Variants in NHLRC3 observed in about 807,000 individuals in gnomAD.
The protein encoded by NHLRC3 is NHL repeat-containing protein 3.
In NHLRC3, 23 loss-of-function variants were observed where a neutral mutation model predicts 32.0. The ratio of observed to expected loss-of-function variants is 0.72; its 90% CI spans 0.52 to 1.02. The LOEUF is 1.02. Ranked by LOEUF, NHLRC3 falls within the 50% of genes least tolerant of loss-of-function variation. The pLI is 0.00. For missense variants in NHLRC3, 407 were observed against 406.8 expected (o/e 1.00, Z -0.01); for synonymous variants, 159 against 147.9 (o/e 1.08, Z -0.55).
intron 1 of NHLRC3, 58 bp from the exon 2 acceptor site, chr13:39,039,078 C>CTGT: frequency 9.6e-7 from 1 of 1,038,070 alleles, no homozygotes; most frequent in Non-Finnish European, 1.4e-6. Context: ...CCCCCCCGCC[C>CTGT]TTTTTTTGTT....
intron 4 of NHLRC3, 42 bp downstream of exon 4, chr13:39,042,347 G>C: frequency 8.3e-7 from 1 of 1,208,522 alleles, no homozygotes. Flanking sequence ...ATTATAAATT[G>C]ATTTTAATTT....
intron 1 of NHLRC3, 75 bp from the exon 2 acceptor site, chr13:39,039,061 T>TTG: frequency 2.6e-6 from 2 of 760,180 alleles, no homozygotes; most frequent in African/African-American, 1.7e-5. Context: ...TAAGCCCTGT[T>TTG]ACCCGGCCCC....
chr13:39,038,838 A>C (rs1871321867), intron 1 of NHLRC3, 115 bp downstream of exon 1: 1 of 901,098 alleles, frequency 1.1e-6, no homozygotes, highest in African/African-American at 1.6e-5. Context: ...AGCTTGTCTC[A>C]AAGCCTGCAC....
At chr13:39,039,841 TG>T in intron 3 of NHLRC3, 130 bp downstream of exon 3, 1 of 678,910 alleles carries the variant, frequency 1.5e-6, no homozygotes, top group Non-Finnish European at 2.4e-6. Flanking sequence ...TGAAATCACA[TG>T]TTTTTAACAA....
rs1228827986 is a variant in NHLRC3 at position 39,049,794 on chromosome 13, A to G, written c.*1868A>G. 7 of 152,256 alleles carry G rather than the reference A, an allele frequency of 4.6e-5. No individual in the cohort carries two copies. The highest frequency in any genetic ancestry group is 1.0e-4 in the Non-Finnish European group (7 of 68,046). The allele number at this position is 152,256 out of a possible 1,614,324, so 9.4% of individuals were successfully genotyped here. On this transcript the variant is annotated 3_prime_UTR_variant, in exon 7 of 7. Coordinates refer to ENST00000379600, the MANE Select transcript of NHLRC3 (RefSeq NM_001012754.4). Reference sequence around the variant, plus strand: ...TTATTTTACTTTGTTTTATTAAGCCAGGACAAGAAGTGCAAATGCCTCTTT... The same window carrying G: ...TTATTTTACTTTGTTTTATTAAGCCGGGACAAGAAGTGCAAATGCCTCTTT...
intron 5 of NHLRC3, among the ~76,000 whole-genome samples, chr13:39,044,618 C>T (rs1227584715): frequency 6.6e-6 from 1 of 152,104 alleles, no homozygotes; most frequent in Non-Finnish European, 1.5e-5. Flanking sequence ...GAGAGGTTAA[C>T]CTTGGAAGTC....
intron 1 of NHLRC3, 77 bp downstream of exon 1, chr13:39,038,800 G>T (rs577670497): frequency 2.5e-6 from 3 of 1,180,914 alleles, no homozygotes; most frequent in Non-Finnish European, 3.8e-6. Context: ...GTCGTGGCAT[G>T]GAGGTGGCAG....
In NHLRC3 at chr13:39,038,551, T is replaced by C. The variant is rs1214937681; in HGVS notation, c.-89T>C. 1.8e-6 allele frequency: 2 copies of C among 1,119,274 alleles called. No homozygotes were observed. The highest frequency in any genetic ancestry group is 2.7e-6 in the Non-Finnish European group (2 of 729,924). 69.3% of individuals were successfully genotyped at this position (1,119,274 alleles called of 1,614,324 possible). A position where few individuals can be genotyped will look rare whatever the true frequency, so the allele number is the denominator to read the frequency against. ...GTCTTCGGGCCCCGGGCAGACCCTC[T>C]GTGCCGCTGCAAACCGTTGCAGCCT... On this transcript the variant is annotated 5_prime_UTR_variant, in exon 1 of 7. Transcript: ENST00000379600.
chr13:39,039,211 A>G lies in NHLRC3; in HGVS notation c.160A>G (p.Lys54Glu). The G allele has an allele frequency of 6.2e-7, 1 of 1,613,930 alleles. No individual in the cohort carries two copies. Among genetic ancestry groups the G allele is most frequent in the Non-Finnish European group, 8.5e-7 (1 of 1,179,800 alleles). Reference sequence around the variant, plus strand: ...TTACCGGCTGGATGTGGGTTGGCCTAAGCACCCAGAATATTTTACCGGAAC... The same window carrying G: ...TTACCGGCTGGATGTGGGTTGGCCTGAGCACCCAGAATATTTTACCGGAAC... ...ILYRLDVGWP[K>E]HPEYFTGTTF... is the part of the protein sequence containing the mutation. The change falls in exon 2 of 7, where the codon AAG becomes GAG. Residue 54 changes from lysine to glutamate, a missense_variant. By Grantham distance (56) the Lys-to-Glu change is moderately conservative (BLOSUM62 1). Transcript: ENST00000379600.
intron 5 of NHLRC3, among the ~76,000 whole-genome samples, chr13:39,044,701 C>A (rs1301893498): frequency 1.3e-5 from 2 of 152,110 alleles, no homozygotes; most frequent in Non-Finnish European, 2.9e-5. Flanking sequence ...AAGCTTTAGC[C>A]AACAAATTTC....
In NHLRC3 at chr13:39,047,838, CTG is replaced by C; in HGVS notation, c.957_958del (p.Gly320SerfsTer20). 6.2e-7 allele frequency: 1 copy of C among 1,614,084 alleles called. No homozygotes were observed. Among genetic ancestry groups the C allele is most frequent in the South Asian group, 1.1e-5 (1 of 91,088 alleles). On this transcript the variant is annotated frameshift_variant, in exon 7 of 7. Transcript: ENST00000379600. LOFTEE classifies it low-confidence loss of function (END_TRUNC). Reference sequence around the variant, plus strand: ...CATCTCCTAGAAGTCGACAGAAAGACTGGAGCAGTCTATGTAGCAGAAATTGG... The same window carrying C: ...CATCTCCTAGAAGTCGACAGAAAGACGAGCAGTCTATGTAGCAGAAATTGG...
At chr13:39,039,365 C>T in intron 2 of NHLRC3, 77 bp downstream of exon 2, 1 of 1,251,588 alleles carries the variant, frequency 8.0e-7, no homozygotes, top group East Asian at 2.3e-5. Context: ...AGTAACTGAC[C>T]ATATGCGTTT....
intron 5 of NHLRC3, among the ~76,000 whole-genome samples, chr13:39,044,738 C>T (rs142374516): frequency 1.4e-3 from 207 of 152,314 alleles, no homozygotes; most frequent in African/African-American, 4.5e-3. Context: ...TTCTACCCTA[C>T]TCACTACTAT....
rs770694753 is a variant in NHLRC3, at chr13:39,042,093, CTATCTT to C, written c.386-8_386-3del. The C allele has an allele frequency of 1.9e-5, 29 of 1,495,596 alleles. No individual in the cohort carries two copies. The highest frequency in any genetic ancestry group is 2.0e-5 in the Non-Finnish European group (21 of 1,072,938). 92.6% of individuals were successfully genotyped at this position (1,495,596 alleles called of 1,614,324 possible). A position where few individuals can be genotyped will look rare whatever the true frequency, so the allele number is the denominator to read the frequency against. ...GGTTTTATTTGTGAGATGTACATAT[CTATCTT>C]TATAGGATTCTTTGGTCATACTGTT... is the stretch of plus-strand genomic sequence containing the variant. On this transcript the variant is annotated splice_polypyrimidine_tract_variant and splice_region_variant and intron_variant, in intron 3 of 6. Transcript: ENST00000379600.
In NHLRC3 at chr13:39,047,891, C is replaced by G; in HGVS notation, c.1009C>G (p.Pro337Ala). The G allele has an allele frequency of 6.2e-7, 1 of 1,612,804 alleles. No individual in the cohort carries two copies. Among genetic ancestry groups the G allele is most frequent in the Non-Finnish European group, 8.5e-7 (1 of 1,179,046 alleles). ...IGAKQVQKYV[P>A]LNSYVPSFGS ...AGCAAAACAAGTACAAAAATATGTC[C>G]CTTTGAATAGCTATGTTCCTTCATT... is the stretch of plus-strand genomic sequence containing the variant. Residue 337 changes from proline (P) to alanine (A), a missense_variant, in exon 7 of 7, where the codon CCT (proline) becomes GCT (alanine). By Grantham distance (27) the Pro-to-Ala change is conservative (BLOSUM62 -1). Transcript: ENST00000379600.
intron 5 of NHLRC3, 125 bp downstream of exon 5, chr13:39,044,306 T>C (rs923629962): frequency 4.1e-6 from 3 of 727,670 alleles, no homozygotes; most frequent in Admixed American, 4.0e-5. Context: ...TACATGTGTG[T>C]CTGGGCATGT....
At chr13:39,045,392 A>AC (rs1871629438) in intron 5 of NHLRC3, among the ~76,000 whole-genome samples, 1 of 152,220 alleles carries the variant, frequency 6.6e-6, no homozygotes, top group Non-Finnish European at 1.5e-5. Context: ...CCCTTCTAAA[A>AC]GGCCTTGGAA....
chr13:39,044,158 G>A lies in NHLRC3; in HGVS notation c.655G>A (p.Val219Ile). 6.2e-7 allele frequency: 1 copy of A among 1,612,820 alleles called. No homozygotes were observed. The highest frequency in any genetic ancestry group is 1.1e-5 in the South Asian group (1 of 91,056). ...TGCTAAGTTCAACATACCTCACAGT[G>A]TTACACTTGATTCAGCTGGTCGGGT... The part of the protein sequence containing the change: ...GPAKFNIPHS[V>I]TLDSAGRVWV... Residue 219 changes from valine (V) to isoleucine (I), a missense_variant, in exon 5 of 7, where the codon GTT (valine) becomes ATT (isoleucine). Transcript: ENST00000379600.
chr13:39,041,900 G>C (rs953249486), intron 3 of NHLRC3: 1 of 512,054 alleles, frequency 2.0e-6, no homozygotes, highest in Non-Finnish European at 3.4e-6. Context: ...GCTTATTTTG[G>C]ACTAATGGAG....
Sources: allele counts gnomAD v4.1 joint callset (sites outside exome capture counted in the v4.1 genomes callset), GRCh38; gene constraint gnomAD v4.1.1; transcripts MANE v1.5; gene names NCBI Gene and HGNC (gene_info 2026-07-23, HGNC 2026-07-21).